The following FLRT1 variants were observed in gnomAD, a reference collection of about 807,000 sequenced individuals.
The protein encoded by FLRT1 is fibronectin leucine rich transmembrane protein 1.
FLRT1 carries 14 observed loss-of-function variants against 30.9 expected under a neutral mutation model. That is an observed-to-expected ratio of 0.45 (90% CI 0.30 to 0.71). The LOEUF is 0.71. FLRT1 is among the 30% of genes least tolerant of loss of function. The pLI, the probability that FLRT1 is intolerant of heterozygous loss-of-function variation, is 0.08. For synonymous variants in FLRT1, 368 were observed against 430.4 expected, an observed-to-expected ratio of 0.85 and a Z score of 1.80; for missense variants, 737 against 949.2, an observed-to-expected ratio of 0.78 and a Z score of 2.94.
At chr11:64,055,721 G>A (rs1190939685) in intron 1 of FLRT1, among the ~76,000 whole-genome samples, 3 of 152,180 alleles carry the variant, frequency 2.0e-5, no homozygotes, top group African/African-American at 7.2e-5. Context: ...ATGGATGATG[G>A]GCCATGGGAG....
intron 1 of FLRT1, among the ~76,000 whole-genome samples, chr11:64,057,881 T>G (rs1309489122): frequency 6.6e-6 from 1 of 152,196 alleles, no homozygotes; most frequent in Non-Finnish European, 1.5e-5. Flanking sequence ...ATTCGTGAGG[T>G]CACAGGATTT....
rs1943371953 is a variant in FLRT1, at chr11:64,035,977, C to T, written c.-1220C>T. 6.7e-6 allele frequency: 1 copy of T among 148,788 alleles called. No individual in the cohort carries two copies. The highest frequency in any genetic ancestry group is 2.0e-4 in the South Asian group (1 of 5,110). 9.2% of individuals were successfully genotyped at this position (148,788 alleles called of 1,614,324 possible). On this transcript the variant is annotated 5_prime_UTR_variant, in exon 1 of 3. Transcript: ENST00000682287. Reference sequence around the variant, plus strand: ...CGGGCGCCCGAGCCGGGCAGATGCGCCGCCGCGCGCCCCCCGCTCCGGGCC... The same window carrying T: ...CGGGCGCCCGAGCCGGGCAGATGCGTCGCCGCGCGCCCCCCGCTCCGGGCC...
intron 1 of FLRT1, among the ~76,000 whole-genome samples, chr11:64,040,451 C>T (rs1943463650): frequency 6.6e-6 from 1 of 152,142 alleles, no homozygotes; most frequent in African/African-American, 2.4e-5. Context: ...GGTGGGCTGT[C>T]TCCCTGGGTC....
chr11:64,068,045 C>T (rs1590863934), intron 1 of FLRT1, among the ~76,000 whole-genome samples: 1 of 152,202 alleles, frequency 6.6e-6, no homozygotes, highest in African/African-American at 2.4e-5. Context: ...AACAAATTGC[C>T]TCACAGATAA....
At chr11:64,062,724 A>G (rs1038927653) in intron 1 of FLRT1, among the ~76,000 whole-genome samples, 1 of 152,172 alleles carries the variant, frequency 6.6e-6, no homozygotes, top group African/African-American at 2.4e-5. Context: ...TGCCCCGCGC[A>G]GCCTGACCCA....
intron 2 of FLRT1, among the ~76,000 whole-genome samples, chr11:64,108,549 C>A (rs1590919689): frequency 6.6e-6 from 1 of 152,280 alleles, no homozygotes; most frequent in Admixed American, 6.5e-5. Flanking sequence ...AAGGTGGGGT[C>A]TTTCATTAAT....
At chr11:64,105,331 C>A (rs1038332389) in intron 2 of FLRT1, among the ~76,000 whole-genome samples, 4 of 152,194 alleles carry the variant, frequency 2.6e-5, no homozygotes, top group African/African-American at 9.7e-5. Flanking sequence ...CAGCTGCTGT[C>A]CCCCAGGCCT....
At chr11:64,109,696 C>T (rs2134587956) in intron 2 of FLRT1, among the ~76,000 whole-genome samples, 1 of 152,240 alleles carries the variant, frequency 6.6e-6, no homozygotes, top group South Asian at 2.1e-4. Flanking sequence ...TGGTGCGGCC[C>T]CACAGGAGGG....
intron 1 of FLRT1, among the ~76,000 whole-genome samples, chr11:64,077,550 A>AG (rs942526505): frequency 4.3e-4 from 64 of 149,132 alleles, no homozygotes; most frequent in Admixed American, 1.1e-3. Flanking sequence ...GGGGCGGGGC[A>AG]GGGGGGGTCC....
At chr11:64,039,188 T>C (rs1247561956) in intron 1 of FLRT1, among the ~76,000 whole-genome samples, 1 of 151,898 alleles carries the variant, frequency 6.6e-6, no homozygotes, top group Non-Finnish European at 1.5e-5. Flanking sequence ...AGGCCCCTTA[T>C]AGGATGGGGT....
chr11:64,102,717 G>A (rs927396666), intron 1 of FLRT1, among the ~76,000 whole-genome samples: 3 of 152,180 alleles, frequency 2.0e-5, no homozygotes, highest in Non-Finnish European at 4.4e-5. Context: ...AGAGGCAGGA[G>A]ATAGGGAGAA....
intron 1 of FLRT1, among the ~76,000 whole-genome samples, chr11:64,063,769 A>G (rs893941800): frequency 5.3e-5 from 8 of 152,194 alleles, no homozygotes; most frequent in African/African-American, 1.9e-4. Context: ...GCTGTCAGCC[A>G]GCAATCATGC....
intron 1 of FLRT1, among the ~76,000 whole-genome samples, chr11:64,046,500 C>A (rs547263921): frequency 1.3e-5 from 2 of 152,294 alleles, no homozygotes; most frequent in East Asian, 3.9e-4. Flanking sequence ...TGTCTGGGAC[C>A]CTGCGCTGTG....
At chr11:64,066,520 G>A (rs183626415) in intron 1 of FLRT1, among the ~76,000 whole-genome samples, 1 of 152,050 alleles carries the variant, frequency 6.6e-6, no homozygotes, top group Non-Finnish European at 1.5e-5. Flanking sequence ...TCCAGAGGCT[G>A]AGGCAGGAGG....
chr11:64,100,209 T>C (rs1283417548), intron 1 of FLRT1, among the ~76,000 whole-genome samples: 1 of 152,122 alleles, frequency 6.6e-6, no homozygotes, highest in Non-Finnish European at 1.5e-5. Context: ...ACAAGGTGCA[T>C]TGTCCCCTGG....
chr11:64,093,302 A>G (rs1268341578), intron 1 of FLRT1, among the ~76,000 whole-genome samples: 1 of 152,226 alleles, frequency 6.6e-6, no homozygotes, highest in Non-Finnish European at 1.5e-5. Flanking sequence ...CGATCGAGTC[A>G]GCTGCTGGTG....
At chr11:64,061,093 C>G (rs1199973246) in intron 1 of FLRT1, among the ~76,000 whole-genome samples, 1 of 152,194 alleles carries the variant, frequency 6.6e-6, no homozygotes, top group Non-Finnish European at 1.5e-5. Context: ...ACCTGAGAGC[C>G]TCGCGCTGGA....
chr11:64,063,823 A>G (rs1284306538), intron 1 of FLRT1, among the ~76,000 whole-genome samples: 1 of 152,010 alleles, frequency 6.6e-6, no homozygotes, highest in Non-Finnish European at 1.5e-5. Flanking sequence ...GAGCACCTTC[A>G]CTCTAACAAT....
Position 64,036,929 on chromosome 11 carries a change from A to G in FLRT1, c.-1038+770A>G, listed in dbSNP as rs1943393233. Among the ~76,000 whole-genome samples, 1 of 152,306 alleles carries G rather than the reference A, an allele frequency of 6.6e-6. No individual in the cohort carries two copies. The highest frequency in any genetic ancestry group is 2.4e-5 in the African/African-American group (1 of 41,582). The stretch of plus-strand genomic sequence containing the variant: ...CTGGGGAGTGTTGTCGCCCAGCTGC[A>G]GGGAACCGTGGTTGATCAGAGCTCC... On this transcript the variant is annotated intron_variant, in intron 1 of 2. Transcript: ENST00000682287. The surrounding 1 kb of genome is among the most constrained non-coding windows in gnomAD (Gnocchi z 5.6).
Sources: allele counts gnomAD v4.1 joint callset (sites outside exome capture counted in the v4.1 genomes callset), GRCh38; gene constraint gnomAD v4.1.1; non-coding constraint Gnocchi (gnomAD v3.1); transcripts MANE v1.5; gene names NCBI Gene and HGNC (gene_info 2026-07-23, HGNC 2026-07-21).